Variants in ATRNL1 observed in about 807,000 individuals in gnomAD.
ATRNL1 encodes the protein attractin-like protein 1.
A neutral mutation model predicts 182.7 loss-of-function variants in ATRNL1; 95 were observed. The ratio of observed to expected loss-of-function variants is 0.52; its 90% CI spans 0.44 to 0.62. The LOEUF (loss-of-function observed/expected upper bound fraction) is 0.62, where lower values mean the gene tolerates loss of function less well. Among genes scored for constraint, ATRNL1 ranks in the 20% least tolerant of loss-of-function variants. The pLI is 0.00. For synonymous variants in ATRNL1, 576 were observed against 568.3 expected (o/e 1.01, Z -0.19); for missense variants, 1,471 against 1,679.5 (o/e 0.88, Z 2.17).
chr10:115,493,280 A>G (rs1849397298), intron 24 of ATRNL1, among the ~76,000 whole-genome samples: 2 of 152,100 alleles, frequency 1.3e-5, no homozygotes, highest in African/African-American at 4.8e-5. Flanking sequence ...CTCCATCCTC[A>G]GATAGGCCCT....
intron 26 of ATRNL1, among the ~76,000 whole-genome samples, chr10:115,571,785 A>C (rs1555003568): frequency 6.6e-6 from 1 of 151,988 alleles, no homozygotes; most frequent in Non-Finnish European, 1.5e-5. Flanking sequence ...TCCTATTACT[A>C]TTCCTAATAA....
At chr10:115,281,924 T>A (rs1284023647) in intron 14 of ATRNL1, among the ~76,000 whole-genome samples, 1 of 147,942 alleles carries the variant, frequency 6.8e-6, no homozygotes, top group Non-Finnish European at 1.5e-5. Flanking sequence ...ATATTAATTA[T>A]ATATTATATA....
chr10:115,527,918 C>T (rs1405194264), intron 25 of ATRNL1, among the ~76,000 whole-genome samples: 17 of 75,562 alleles, frequency 2.2e-4, no homozygotes, highest in African/African-American at 8.3e-4. Context: ...CTTCCTTCCT[C>T]CCTTCCTCCC....
chr10:115,241,520 C>G (rs1850421907), intron 9 of ATRNL1, 51 bp from the exon 10 acceptor site: 1 of 1,302,404 alleles, frequency 7.7e-7, no homozygotes, highest in Non-Finnish European at 1.1e-6. Flanking sequence ...TATATAAAAT[C>G]AGGGAGGTCA....
At chr10:115,346,870 C>T (rs1856000641) in intron 19 of ATRNL1, among the ~76,000 whole-genome samples, 1 of 151,948 alleles carries the variant, frequency 6.6e-6, no homozygotes, top group Non-Finnish European at 1.5e-5. Context: ...GCAAAAGTTT[C>T]AATTTTGATA....
At chr10:115,915,038 A>G (rs1263684520) in intron 28 of ATRNL1, among the ~76,000 whole-genome samples, 1 of 152,222 alleles carries the variant, frequency 6.6e-6, no homozygotes, top group Non-Finnish European at 1.5e-5. Flanking sequence ...TTACTGAAAT[A>G]TTATTCTTGT....
intron 21 of ATRNL1, among the ~76,000 whole-genome samples, chr10:115,446,517 TA>T (rs34175934): frequency 0.36 from 54,889 of 151,614 alleles, 11,073 homozygotes; most frequent in African/African-American, 0.54. Flanking sequence ...TTTAAATAGC[TA>T]AAAAAACTCT....
Position 115,735,489 on chromosome 10 carries a change from G to A in ATRNL1, c.3903+8134G>A, listed in dbSNP as rs539781864. On this transcript the variant is annotated intron_variant, in intron 27 of 28. Transcript: ENST00000355044. Reference sequence around the variant, plus strand: ...CTGAAATATGGGATAGTACCAAACCGAGATATACATACCTATGATAAAGTG... The same window carrying A: ...CTGAAATATGGGATAGTACCAAACCAAGATATACATACCTATGATAAAGTG... Among the ~76,000 whole-genome samples the A allele has an allele frequency of 5.9e-5, 9 of 152,168 alleles. No individual in the cohort carries two copies. The Middle Eastern group carries it at 0.01, about 173-fold the overall frequency.
At chr10:115,447,540 T>C (rs1194394959) in intron 21 of ATRNL1, among the ~76,000 whole-genome samples, 3 of 151,900 alleles carry the variant, frequency 2.0e-5, no homozygotes, top group Non-Finnish European at 4.4e-5. Flanking sequence ...AAAAATTACA[T>C]ACTCTGTGAA....
intron 27 of ATRNL1, among the ~76,000 whole-genome samples, chr10:115,773,063 AACT>A (rs1259580015): frequency 6.6e-6 from 1 of 152,174 alleles, no homozygotes; most frequent in African/African-American, 2.4e-5. Flanking sequence ...TAGTGAAGAA[AACT>A]ACTACGGAAG....
At chr10:115,737,732 C>T (rs1455923986) in intron 27 of ATRNL1, among the ~76,000 whole-genome samples, 2 of 152,110 alleles carry the variant, frequency 1.3e-5, no homozygotes, top group African/African-American at 4.8e-5. Context: ...TTGGTACTCC[C>T]CCAGTTTCAG....
chr10:115,361,795 C>G (rs974573126), intron 19 of ATRNL1, among the ~76,000 whole-genome samples: 5 of 151,854 alleles, frequency 3.3e-5, no homozygotes, highest in Non-Finnish European at 1.5e-5. Context: ...CTTTGAGTCT[C>G]CAATTTATAA....
At chr10:115,229,461 T>G (rs944285089) in intron 9 of ATRNL1, among the ~76,000 whole-genome samples, 1 of 152,108 alleles carries the variant, frequency 6.6e-6, no homozygotes, top group Non-Finnish European at 1.5e-5. Flanking sequence ...ATCTTTTCAA[T>G]GAAAATTTTG....
At chr10:115,895,371 G>C (rs61865191) in intron 28 of ATRNL1, among the ~76,000 whole-genome samples, 4 of 152,138 alleles carry the variant, frequency 2.6e-5, no homozygotes, top group African/African-American at 9.7e-5. Context: ...TTCAGCTGCC[G>C]CAAGGTTAGG....
chr10:115,243,648 A>G (rs1554903445), intron 10 of ATRNL1, among the ~76,000 whole-genome samples: 1 of 152,092 alleles, frequency 6.6e-6, no homozygotes, highest in Non-Finnish European at 1.5e-5. Flanking sequence ...TAATTATGGC[A>G]ACAAATTACC....
intron 9 of ATRNL1, among the ~76,000 whole-genome samples, chr10:115,235,411 C>A (rs1356352129): frequency 2.6e-5 from 4 of 152,040 alleles, no homozygotes; most frequent in African/African-American, 9.7e-5. Flanking sequence ...CTTCTGGCAA[C>A]CACTAATTTA....
At chr10:115,419,312 C>A (rs1554961469) in intron 20 of ATRNL1, among the ~76,000 whole-genome samples, 1 of 151,938 alleles carries the variant, frequency 6.6e-6, no homozygotes, top group Non-Finnish European at 1.5e-5. Flanking sequence ...AGGAATAAAA[C>A]ACATTACTAG....
chr10:115,505,772 TACACAC>T (rs1355193380), intron 24 of ATRNL1, among the ~76,000 whole-genome samples: 1 of 151,598 alleles, frequency 6.6e-6, no homozygotes, highest in Non-Finnish European at 1.5e-5. Context: ...CAGGCACACA[TACACAC>T]ACACACGTCT....
At chr10:115,777,651 G>A (rs956319132) in intron 27 of ATRNL1, among the ~76,000 whole-genome samples, 7 of 152,078 alleles carry the variant, frequency 4.6e-5, no homozygotes, top group Admixed American at 2.6e-4. Context: ...TGAATATACT[G>A]TTTTCAAATA....
Sources: gnomAD v4.1 joint callset for allele counts (sites outside exome capture counted in the v4.1 genomes callset) on GRCh38, gnomAD v4.1.1 for gene constraint, MANE v1.5 for transcripts, NCBI Gene and HGNC (gene_info 2026-07-23, HGNC 2026-07-21) for gene names.